The following VWA8 variants were observed in gnomAD, a reference collection of about 807,000 sequenced individuals.
VWA8 encodes von Willebrand factor A domain-containing protein 8.
VWA8 carries 221 observed loss-of-function variants against 241.5 expected under a neutral mutation model. The ratio of observed to expected loss-of-function variants is 0.91; its 90% CI spans 0.82 to 1.02. The LOEUF is 1.02. VWA8 is among the 50% of genes least tolerant of loss of function. The pLI, the probability that VWA8 is intolerant of heterozygous loss-of-function variation, is 0.00. For missense variants in VWA8, 2,322 were observed against 2,328.7 expected (o/e 1.00, Z 0.06); for synonymous variants, 852 against 827.1 (o/e 1.03, Z -0.52).
chr13:41,914,773 G>C (rs1000399909), intron 2 of VWA8, among the ~76,000 whole-genome samples: 9 of 152,138 alleles, frequency 5.9e-5, no homozygotes, highest in African/African-American at 2.2e-4. Flanking sequence ...TTGGCAATGT[G>C]CCTGACCTTC....
intron 9 of VWA8, among the ~76,000 whole-genome samples, chr13:41,869,636 A>AC (rs1373050895): frequency 1.4e-5 from 2 of 139,888 alleles, no homozygotes; most frequent in Admixed American, 6.9e-5. Flanking sequence ...TGTCTCAAAA[A>AC]AAAAAAAAAA....
chr13:41,815,630 G>A (rs1870658492), intron 16 of VWA8, among the ~76,000 whole-genome samples: 1 of 152,222 alleles, frequency 6.6e-6, no homozygotes, highest in Non-Finnish European at 1.5e-5. Flanking sequence ...CCGATGGAGT[G>A]CAGCCTTGCT....
chr13:41,635,833 A>G (rs1186448619), intron 37 of VWA8, among the ~76,000 whole-genome samples: 1 of 142,572 alleles, frequency 7.0e-6, no homozygotes, highest in Admixed American at 6.7e-5. Context: ...AGAATTAGAC[A>G]GCGCAGGAGG....
chr13:41,802,697 C>A (rs536016450), intron 17 of VWA8, among the ~76,000 whole-genome samples: 1 of 152,330 alleles, frequency 6.6e-6, no homozygotes, highest in Admixed American at 6.5e-5. Context: ...GTCCCCAATT[C>A]CAGGACTTAG....
intron 17 of VWA8, among the ~76,000 whole-genome samples, chr13:41,806,723 C>G (rs1020646142): frequency 3.3e-5 from 5 of 151,270 alleles, no homozygotes; most frequent in Non-Finnish European, 5.9e-5. Flanking sequence ...AAAAAAACTA[C>G]AAAAATTAGC....
At chr13:41,712,266 C>T (rs564625425) in intron 26 of VWA8, among the ~76,000 whole-genome samples, 8 of 152,166 alleles carry the variant, frequency 5.3e-5, no homozygotes, top group African/African-American at 1.9e-4. Context: ...GACACCAACA[C>T]ATAGAAATGA....
intron 23 of VWA8, among the ~76,000 whole-genome samples, chr13:41,729,144 A>T (rs187596044): frequency 2.9e-3 from 441 of 152,154 alleles, no homozygotes; most frequent in Non-Finnish European, 3.5e-3. Flanking sequence ...ACATGTCTTT[A>T]TATATACACA....
chr13:41,598,419 G>A (rs760665978), intron 40 of VWA8, among the ~76,000 whole-genome samples: 24 of 151,986 alleles, frequency 1.6e-4, no homozygotes, highest in South Asian at 1.2e-3. Context: ...TGATATTTGA[G>A]TTTTTAAAAA....
At chr13:41,685,995 G>A (rs966226358) in intron 34 of VWA8, among the ~76,000 whole-genome samples, 2 of 152,088 alleles carry the variant, frequency 1.3e-5, no homozygotes, top group Non-Finnish European at 2.9e-5. Flanking sequence ...AGCCTATCAG[G>A]AATTAATTTT....
chr13:41,881,287 C>CCTTTTAGA (rs1464907787), intron 9 of VWA8, among the ~76,000 whole-genome samples: 1 of 140,170 alleles, frequency 7.1e-6, no homozygotes, highest in Non-Finnish European at 1.5e-5. Flanking sequence ...CTGACCTAAT[C>CCTTTTAGA]CTTTTAGAGA....
chr13:41,849,047 T>C (rs897719081), intron 12 of VWA8, among the ~76,000 whole-genome samples: 2 of 152,234 alleles, frequency 1.3e-5, no homozygotes, highest in Admixed American at 1.3e-4. Context: ...CTGTAAAAGA[T>C]TGCCTTTTCC....
chr13:41,891,430 T>C lies in VWA8; in HGVS notation c.641A>G (p.Lys214Arg). Residue 214 changes from lysine (K) to arginine (R), a missense_variant, in exon 5 of 45, where the codon AAA becomes AGA. Physicochemically the swap from Lys to Arg is conservative, Grantham distance 26. Transcript: ENST00000379310. The part of the protein sequence containing the change: ...RFLMSAERYD[K>R]LLRDHTKKEL... ...ATTTTCTTTTCTTACTCGGAGAAGT[T>C]TGTCGTAACGCTCAGCAGACATCAG... The C allele has an allele frequency of 1.9e-6, 3 of 1,614,056 alleles. No individual in the cohort carries two copies. Among genetic ancestry groups the C allele is most frequent in the Non-Finnish European group, 2.5e-6 (3 of 1,179,964 alleles).
intron 12 of VWA8, among the ~76,000 whole-genome samples, chr13:41,837,862 C>G (rs1051445720): frequency 1.3e-5 from 2 of 152,128 alleles, no homozygotes; most frequent in African/African-American, 4.8e-5. Flanking sequence ...AAAAATAGCA[C>G]TAATGATATC....
intron 2 of VWA8, among the ~76,000 whole-genome samples, chr13:41,930,932 C>T (rs1259266143): frequency 2.0e-5 from 3 of 151,928 alleles, no homozygotes; most frequent in African/African-American, 7.3e-5. Flanking sequence ...GGGCGGATCA[C>T]GAGGTCAAGA....
intron 34 of VWA8, 22 bp downstream of exon 34, chr13:41,689,332 A>G (rs1181753193): frequency 1.2e-6 from 2 of 1,600,384 alleles, no homozygotes; most frequent in South Asian, 2.2e-5. Context: ...TTTATCCGAT[A>G]ATTTAAAAAA....
intron 3 of VWA8, among the ~76,000 whole-genome samples, chr13:41,910,636 C>A (rs1875950598): frequency 1.3e-5 from 2 of 151,428 alleles, no homozygotes; most frequent in Admixed American, 1.3e-4. Flanking sequence ...ATCTGTAATT[C>A]TCAGTAGCTG....
intron 12 of VWA8, among the ~76,000 whole-genome samples, chr13:41,841,227 T>C (rs1407175769): frequency 2.0e-5 from 3 of 152,166 alleles, no homozygotes; most frequent in Non-Finnish European, 2.9e-5. Flanking sequence ...TTGCAGTTAA[T>C]ATAGGAATAT....
intron 37 of VWA8, among the ~76,000 whole-genome samples, chr13:41,629,688 A>G (rs1164231960): frequency 6.6e-6 from 1 of 152,212 alleles, no homozygotes; most frequent in Non-Finnish European, 1.5e-5. Flanking sequence ...TGGCTAAATA[A>G]CAACAACAAA....
intron 37 of VWA8, among the ~76,000 whole-genome samples, chr13:41,623,267 A>G (rs1291947395): frequency 1.3e-5 from 2 of 152,190 alleles, no homozygotes; most frequent in Non-Finnish European, 2.9e-5. Context: ...CATGGTGACC[A>G]TGTGTTAACA....
Sources: gnomAD v4.1 joint callset for allele counts (sites outside exome capture counted in the v4.1 genomes callset) on GRCh38, gnomAD v4.1.1 for gene constraint, MANE v1.5 for transcripts, NCBI Gene and HGNC (gene_info 2026-07-23, HGNC 2026-07-21) for gene names.